BMPR1B: variants seen among roughly 807,000 people sequenced by gnomAD.
BMPR1B encodes bone morphogenetic protein receptor type-1B.
BMPR1B carries 12 observed loss-of-function variants against 59.1 expected under a neutral mutation model. The ratio of observed to expected loss-of-function variants is 0.20; its 90% confidence interval spans 0.13 to 0.33. BMPR1B has a LOEUF of 0.33. Ranked by LOEUF, BMPR1B falls within the 10% of genes least tolerant of loss-of-function variation. BMPR1B has a pLI of 1.00. For missense variants in BMPR1B, 550 were observed against 610.9 expected (o/e 0.90, Z 1.05); for synonymous variants, 237 against 207.3 (o/e 1.14, Z -1.23).
intron 2 of BMPR1B, among the ~76,000 whole-genome samples, chr4:94,925,067 T>C (rs1452917141): frequency 6.6e-6 from 1 of 152,080 alleles, no homozygotes; most frequent in Non-Finnish European, 1.5e-5. Flanking sequence ...AGATCATGCT[T>C]GTCCTCTCTG....
intron 1 of BMPR1B, among the ~76,000 whole-genome samples, chr4:94,838,111 A>T (rs1724896567): frequency 6.9e-6 from 1 of 144,226 alleles, no homozygotes; most frequent in African/African-American, 2.6e-5. Context: ...GATGAAGCCC[A>T]CTTAATCATG....
chr4:94,888,587 T>C (rs987161161), intron 2 of BMPR1B, among the ~76,000 whole-genome samples: 2 of 152,038 alleles, frequency 1.3e-5, no homozygotes. Context: ...GGTGCTGATA[T>C]TGATCATTTT....
At chr4:94,962,651 G>T (rs1326323743) in intron 2 of BMPR1B, among the ~76,000 whole-genome samples, 1 of 152,074 alleles carries the variant, frequency 6.6e-6, no homozygotes, top group African/African-American at 2.4e-5. Flanking sequence ...TATTGGAAAT[G>T]ACAGGTTTCA....
At chr4:95,069,371 G>C (rs963511048) in intron 3 of BMPR1B, among the ~76,000 whole-genome samples, 6 of 152,196 alleles carry the variant, frequency 3.9e-5, no homozygotes, top group Admixed American at 3.9e-4. Context: ...ATGTACTACT[G>C]TTATTCTTGC....
At chr4:95,060,129 G>A (rs1426828200) in intron 3 of BMPR1B, among the ~76,000 whole-genome samples, 5 of 152,082 alleles carry the variant, frequency 3.3e-5, no homozygotes, top group African/African-American at 9.7e-5. Flanking sequence ...ACTGCAGGTC[G>A]TTTTTAACAT....
At chr4:95,059,508 A>T (rs904043211) in intron 3 of BMPR1B, among the ~76,000 whole-genome samples, 1 of 151,898 alleles carries the variant, frequency 6.6e-6, no homozygotes, top group Non-Finnish European at 1.5e-5. Context: ...TCAATGGGGG[A>T]ATTTCTGGGG....
rs148298750 is a variant in BMPR1B at position 95,155,563 on chromosome 4, A to G, written c.*890A>G. On this transcript the variant is annotated 3_prime_UTR_variant, in exon 13 of 13. Coordinates refer to ENST00000515059, the MANE Select transcript of BMPR1B (RefSeq NM_001203.3). ...TTGATCTCTCATTCAAAGGATCAAT[A>G]TTAAATAAAATTGTCATGAGCTGTG... The G allele has an allele frequency of 3.6e-5, 5 of 140,432 alleles. No homozygotes were observed. The highest frequency in any genetic ancestry group is 1.1e-4 in the African/African-American group (4 of 36,482). The allele number at this position is 140,432 out of a possible 1,614,324, so 8.7% of individuals were successfully genotyped here. A position where few individuals can be genotyped will look rare whatever the true frequency, so the allele number is the denominator to read the frequency against.
chr4:94,974,234 G>T (rs556108294), intron 2 of BMPR1B, among the ~76,000 whole-genome samples: 1 of 151,818 alleles, frequency 6.6e-6, no homozygotes, highest in Non-Finnish European at 1.5e-5. Context: ...CAATTTATAC[G>T]TGCTCTTTGT....
At chr4:95,114,248 A>G (rs1004683070) in intron 4 of BMPR1B, among the ~76,000 whole-genome samples, 2 of 152,126 alleles carry the variant, frequency 1.3e-5, no homozygotes, top group African/African-American at 4.8e-5. Flanking sequence ...GCCTGGATTC[A>G]CACCCTTGCA....
chr4:95,102,973 C>T (rs746510187), intron 3 of BMPR1B, among the ~76,000 whole-genome samples: 14 of 151,892 alleles, frequency 9.2e-5, no homozygotes, highest in African/African-American at 1.7e-4. Context: ...ATTCTGCATA[C>T]GACAATCTTC....
At chr4:94,925,798 G>C (rs754347771) in intron 2 of BMPR1B, among the ~76,000 whole-genome samples, 4 of 152,164 alleles carry the variant, frequency 2.6e-5, no homozygotes, top group Non-Finnish European at 4.4e-5. Context: ...AGCTGAATGA[G>C]TTGTGATAGT....
At chr4:95,110,905 A>G (rs1560661440) in intron 4 of BMPR1B, among the ~76,000 whole-genome samples, 4 of 152,014 alleles carry the variant, frequency 2.6e-5, no homozygotes, top group Non-Finnish European at 5.9e-5. Flanking sequence ...CACCCTTTAA[A>G]TGGTAATTCT....
intron 10 of BMPR1B, among the ~76,000 whole-genome samples, chr4:95,144,340 A>C (rs1309978102): frequency 1.3e-5 from 2 of 151,958 alleles, no homozygotes; most frequent in African/African-American, 2.4e-5. Flanking sequence ...ACACCCAGCA[A>C]ATTTTTGTAT....
At chr4:94,978,890 G>T (rs1731127690) in intron 2 of BMPR1B, among the ~76,000 whole-genome samples, 1 of 151,620 alleles carries the variant, frequency 6.6e-6, no homozygotes, top group Non-Finnish European at 1.5e-5. Flanking sequence ...GGCAGAAGGG[G>T]AAGGAGGAGC....
At chr4:94,837,965 T>C (rs1434761767) in intron 1 of BMPR1B, among the ~76,000 whole-genome samples, 2 of 129,864 alleles carry the variant, frequency 1.5e-5, no homozygotes, top group African/African-American at 3.1e-5. Flanking sequence ...GTTTTTAGCA[T>C]GAAGGGTTGT....
chr4:94,986,534 A>G (rs999281822), intron 2 of BMPR1B, among the ~76,000 whole-genome samples: 4 of 151,782 alleles, frequency 2.6e-5, no homozygotes, highest in African/African-American at 4.9e-5. Context: ...GAGATTTTTC[A>G]TTTTTAGTCC....
intron 2 of BMPR1B, among the ~76,000 whole-genome samples, chr4:94,985,493 G>T (rs1301819636): frequency 6.7e-6 from 1 of 149,512 alleles, no homozygotes; most frequent in African/African-American, 2.5e-5. Context: ...CAACACCAGA[G>T]AAACCAAAAT....
intron 3 of BMPR1B, among the ~76,000 whole-genome samples, chr4:95,093,624 A>T (rs1730159290): frequency 6.6e-6 from 1 of 152,020 alleles, no homozygotes; most frequent in South Asian, 2.1e-4. Flanking sequence ...ATAGTCTGGT[A>T]TCACATAAAA....
At chr4:94,883,575 C>T (rs1727061619) in intron 2 of BMPR1B, among the ~76,000 whole-genome samples, 1 of 151,246 alleles carries the variant, frequency 6.6e-6, no homozygotes, top group Non-Finnish European at 1.5e-5. Flanking sequence ...TGTTTTTTAT[C>T]TAAAGAGAAT....
Sources: allele counts gnomAD v4.1 joint callset (sites outside exome capture counted in the v4.1 genomes callset), GRCh38; gene constraint gnomAD v4.1.1; transcripts MANE v1.5; gene names NCBI Gene and HGNC (gene_info 2026-07-23, HGNC 2026-07-21).